Variants in PLCL2 observed in about 807,000 individuals in gnomAD.
PLCL2 encodes phospholipase C like 2, also known as inactive phospholipase C-like protein 2.
A neutral mutation model predicts 79.6 loss-of-function variants in PLCL2; 4 were observed. The ratio of observed to expected loss-of-function variants is 0.05; its 90% CI spans 0.02 to 0.11. The LOEUF is 0.11. PLCL2 is among the 10% of genes least tolerant of loss of function. The pLI, the probability that PLCL2 is intolerant of heterozygous loss-of-function variation, is 1.00. For synonymous variants in PLCL2, 484 were observed against 457.7 expected, an observed-to-expected ratio of 1.06 and a Z score of -0.73; for missense variants, 895 against 1,291.0, an observed-to-expected ratio of 0.69 and a Z score of 4.70.
chr3:17,035,969 T>G (rs1460675789), intron 3 of PLCL2, among the ~76,000 whole-genome samples: 1 of 152,100 alleles, frequency 6.6e-6, no homozygotes, highest in Non-Finnish European at 1.5e-5. Flanking sequence ...TATATAGGGT[T>G]TTTTCCCCCC....
At position 17,011,165 on chromosome 3, in the gene PLCL2, G is replaced by A. The variant is rs1266906673; in HGVS notation, c.1819G>A (p.Val607Met). The A allele has an allele frequency of 6.2e-7, 1 of 1,614,038 alleles. No homozygotes were observed. The highest frequency in any genetic ancestry group is 1.3e-5 in the African/African-American group (1 of 74,930). Residue 607 changes from valine (V) to methionine (M), a missense_variant, in exon 2 of 6, where the codon GTG becomes ATG. Val to Met is a conservative substitution (Grantham distance 21). Around this residue, in one of 6 missense-constraint regions of PLCL2, gnomAD observed 242 missense variants for 399.5 expected, o/e 0.61. Coordinates refer to ENST00000615277, the MANE Select transcript of PLCL2 (RefSeq NM_001144382.2). The surrounding 1 kb of genome is among the most constrained non-coding windows in gnomAD (Gnocchi z 7.9). ...AGAGAACATGGAGCAACCCAATAAT[G>A]TGCCTGTGAAGCGATTTCAGCTTTG... The part of the protein sequence containing the change: ...GKENMEQPNN[V>M]PVKRFQLCKE...
At position 16,982,285 on chromosome 3, in the gene PLCL2, G is replaced by A. The variant is rs139621024; in HGVS notation, c.328-27389G>A. On this transcript the variant is annotated intron_variant, in intron 1 of 5. Coordinates refer to ENST00000615277, the MANE Select transcript of PLCL2 (RefSeq NM_001144382.2). Reference sequence around the variant, plus strand: ...TATAGCCTCTGCCCTCTTTTTCATCGTATCAATTTTAAAGCAGGTTTTTAG... The same window carrying A: ...TATAGCCTCTGCCCTCTTTTTCATCATATCAATTTTAAAGCAGGTTTTTAG... Among the ~76,000 whole-genome samples, 883 of 152,170 alleles carry A rather than the reference G, an allele frequency of 5.8e-3. 10 individuals carry two copies. The highest frequency in any genetic ancestry group is 0.02 in the African/African-American group (820 of 41,480).
At chr3:16,986,940 T>C (rs2064055961) in intron 1 of PLCL2, among the ~76,000 whole-genome samples, 1 of 152,016 alleles carries the variant, frequency 6.6e-6, no homozygotes, top group African/African-American at 2.4e-5. Flanking sequence ...CATCTATCTC[T>C]TTGCTTTATA....
chr3:17,076,171 T>G (rs761239220), intron 5 of PLCL2, among the ~76,000 whole-genome samples: 1 of 152,182 alleles, frequency 6.6e-6, no homozygotes, highest in Non-Finnish European at 1.5e-5. Context: ...CACATCCTTG[T>G]CAACACTTGG....
At chr3:17,071,901 A>C (rs2124946217) in intron 5 of PLCL2, among the ~76,000 whole-genome samples, 1 of 151,804 alleles carries the variant, frequency 6.6e-6, no homozygotes, top group South Asian at 2.1e-4. Context: ...ATCTCGGCTC[A>C]CTGCAACCTC....
chr3:17,071,458 A>G (rs1176835802), intron 5 of PLCL2, among the ~76,000 whole-genome samples: 2 of 152,194 alleles, frequency 1.3e-5, no homozygotes, highest in Non-Finnish European at 2.9e-5. Context: ...TTCTTGAATA[A>G]AAAAGCATTC....
chr3:17,087,713 G>T (rs889293924), intron 5 of PLCL2, among the ~76,000 whole-genome samples: 1 of 152,218 alleles, frequency 6.6e-6, no homozygotes, highest in African/African-American at 2.4e-5. Context: ...TGTGGTGCGG[G>T]ATGTGGCTAC....
intron 1 of PLCL2, among the ~76,000 whole-genome samples, chr3:16,978,418 T>C (rs35307172): frequency 0.16 from 24,475 of 152,236 alleles, 2,498 homozygotes; most frequent in Non-Finnish European, 0.21. Flanking sequence ...AAACTTTATT[T>C]TTCTTATTAC....
chr3:16,999,802 TG>T (rs201121022), intron 1 of PLCL2, among the ~76,000 whole-genome samples: 2,696 of 152,318 alleles, frequency 0.018, 95 homozygotes, highest in African/African-American at 0.061. Context: ...AATAAAATTG[TG>T]TTACTTATAT....
chr3:17,054,212 A>G (rs2064871484), intron 4 of PLCL2, among the ~76,000 whole-genome samples: 1 of 152,168 alleles, frequency 6.6e-6, no homozygotes, highest in Admixed American at 6.5e-5. Flanking sequence ...GAGCAGGGAT[A>G]CAGTGCAGCC....
intron 3 of PLCL2, among the ~76,000 whole-genome samples, chr3:17,030,727 G>C (rs894189224): frequency 1.3e-5 from 2 of 152,108 alleles, no homozygotes; most frequent in Non-Finnish European, 2.9e-5. Flanking sequence ...ACACTCTGCT[G>C]TGTTTAAAAA....
chr3:16,939,438 G>T (rs1697623298), intron 1 of PLCL2, among the ~76,000 whole-genome samples: 1 of 152,164 alleles, frequency 6.6e-6, no homozygotes, highest in East Asian at 1.9e-4. Flanking sequence ...TATATAGACT[G>T]CCTTGAAAGA....
chr3:17,038,154 T>A (rs1238714484), intron 3 of PLCL2, among the ~76,000 whole-genome samples: 1 of 152,232 alleles, frequency 6.6e-6, no homozygotes, highest in Non-Finnish European at 1.5e-5. Flanking sequence ...TGATCAAATT[T>A]ATGAAATAGA....
intron 4 of PLCL2, among the ~76,000 whole-genome samples, chr3:17,059,192 T>A (rs577337525): frequency 6.6e-6 from 1 of 152,182 alleles, no homozygotes; most frequent in South Asian, 2.1e-4. Context: ...ATCCTTATAA[T>A]GGAACATTAT....
At chr3:16,927,442 T>G (rs1290997646) in intron 1 of PLCL2, among the ~76,000 whole-genome samples, 1 of 152,204 alleles carries the variant, frequency 6.6e-6, no homozygotes, top group East Asian at 1.9e-4. Flanking sequence ...TTTGTTAGTT[T>G]AAAAGGAATG....
intron 1 of PLCL2, among the ~76,000 whole-genome samples, chr3:16,896,961 G>A (rs1376257207): frequency 6.6e-6 from 1 of 152,100 alleles, no homozygotes; most frequent in Non-Finnish European, 1.5e-5. Context: ...GTATAGCCAG[G>A]GTTAACAACA....
At chr3:16,895,609 A>G (rs1257719515) in intron 1 of PLCL2, among the ~76,000 whole-genome samples, 2 of 152,214 alleles carry the variant, frequency 1.3e-5, no homozygotes, top group African/African-American at 4.8e-5. Flanking sequence ...CTGGCTAGGT[A>G]TATACCTAAC....
chr3:16,885,383 C>T lies in PLCL2; in HGVS notation c.327+17C>T. On this transcript the variant is annotated intron_variant, in intron 1 of 5. Transcript: ENST00000615277. Reference sequence around the variant, plus strand: ...ATCATCAAGGTAGGTGGGAGAAGGGCGCTCATCGCCCACCCTCAGCCGTCC... The same window carrying T: ...ATCATCAAGGTAGGTGGGAGAAGGGTGCTCATCGCCCACCCTCAGCCGTCC... 1 of 587,118 alleles carries T rather than the reference C, an allele frequency of 1.7e-6. No homozygotes were observed. The highest frequency in any genetic ancestry group is 3.0e-6 in the Non-Finnish European group (1 of 332,082). The allele number at this position is 587,118 out of a possible 1,614,324, so 36.4% of individuals were successfully genotyped here.
chr3:17,003,218 T>C (rs921459418), intron 1 of PLCL2, among the ~76,000 whole-genome samples: 19 of 152,212 alleles, frequency 1.2e-4, no homozygotes, highest in African/African-American at 3.9e-4. Context: ...TCATGGTTAA[T>C]AGAGACTGAA....
Sources: gnomAD v4.1 joint callset for allele counts (sites outside exome capture counted in the v4.1 genomes callset) on GRCh38, gnomAD v4.1.1 for gene constraint, gnomAD v4.1.1 regional missense constraint, Gnocchi (gnomAD v3.1) non-coding constraint, MANE v1.5 for transcripts, NCBI Gene and HGNC (gene_info 2026-07-23, HGNC 2026-07-21) for gene names.